ZNF710: variants seen among roughly 807,000 people sequenced by gnomAD.
The protein encoded by ZNF710 is zinc finger protein 710.
In ZNF710, 13 loss-of-function variants were observed where a neutral mutation model predicts 50.6. That is an observed-to-expected ratio of 0.26 (90% confidence interval 0.17 to 0.41). ZNF710 has a LOEUF of 0.41. Ranked by LOEUF, ZNF710 falls within the 10% of genes least tolerant of loss-of-function variation. ZNF710 has a pLI of 1.00. For synonymous variants in ZNF710, 383 were observed against 397.0 expected (o/e 0.96, Z 0.42); for missense variants, 721 against 936.6 (o/e 0.77, Z 3.01).
At chr15:90,022,367 C>CT (rs1008164073) in intron 1 of ZNF710, among the ~76,000 whole-genome samples, 16 of 152,214 alleles carry the variant, frequency 1.1e-4, no homozygotes, top group African/African-American at 3.9e-4. Flanking sequence ...CAGAGTGAGA[C>CT]TCTGTCTCAA....
At chr15:90,043,615 G>A (rs1351648845) in intron 1 of ZNF710, among the ~76,000 whole-genome samples, 1 of 152,202 alleles carries the variant, frequency 6.6e-6, no homozygotes, top group East Asian at 1.9e-4. Context: ...CCCCAGAAAG[G>A]AGAGAAGGAG....
At chr15:90,032,609 C>G (rs938782585) in intron 1 of ZNF710, among the ~76,000 whole-genome samples, 1 of 151,962 alleles carries the variant, frequency 6.6e-6, no homozygotes, top group South Asian at 2.1e-4. Context: ...AAAACCCCAT[C>G]TCCACTAAAA....
intron 1 of ZNF710, among the ~76,000 whole-genome samples, chr15:90,048,264 G>T: frequency 6.6e-6 from 1 of 152,242 alleles, no homozygotes; most frequent in East Asian, 1.9e-4. Flanking sequence ...GTGTGAGCAG[G>T]CCTGCTCATT....
intron 1 of ZNF710, among the ~76,000 whole-genome samples, chr15:90,027,276 T>A (rs1898807599): frequency 6.6e-6 from 1 of 152,028 alleles, no homozygotes; most frequent in Admixed American, 6.5e-5. Context: ...AATGGCGAGA[T>A]CTCAGCTCAC....
In ZNF710 at chr15:90,040,880, C is replaced by T. The variant is rs1490890389; in HGVS notation, c.-28-26230C>T. Among the ~76,000 whole-genome samples, 4 of 152,190 alleles carry T rather than the reference C, an allele frequency of 2.6e-5. No individual in the cohort carries two copies. The highest frequency in any genetic ancestry group is 5.9e-5 in the Non-Finnish European group (4 of 68,036). On this transcript the variant is annotated intron_variant, in intron 1 of 4. Transcript: ENST00000268154. The surrounding 1 kb of genome is among the most constrained non-coding windows in gnomAD (Gnocchi z 4.6). ...TTGTTGCAAGTGAGGACTTATCTCT[C>T]CACCACCCTATCATTCCTCCTCCTC...
intron 1 of ZNF710, among the ~76,000 whole-genome samples, chr15:90,051,519 A>G (rs570934612): frequency 2.4e-4 from 35 of 146,006 alleles, no homozygotes; most frequent in African/African-American, 8.6e-4. Context: ...TGTAATCCCA[A>G]TTATTTGGGA....
At chr15:90,027,972 T>C (rs1014364591) in intron 1 of ZNF710, among the ~76,000 whole-genome samples, 2 of 152,250 alleles carry the variant, frequency 1.3e-5, no homozygotes, top group Admixed American at 1.3e-4. Context: ...AGGTCAGTTC[T>C]GCGTAACAGA....
chr15:90,069,894 C>T (rs937505409), intron 2 of ZNF710, among the ~76,000 whole-genome samples: 2 of 152,144 alleles, frequency 1.3e-5, no homozygotes, highest in Admixed American at 1.3e-4. Context: ...CCCTCATATC[C>T]GGGTAGGTGG....
rs1899072979 is a variant in ZNF710, at chr15:90,034,936, G to C, written c.-28-32174G>C. On this transcript the variant is annotated intron_variant, in intron 1 of 4. Coordinates refer to ENST00000268154, the MANE Select transcript of ZNF710 (RefSeq NM_198526.4). This position sits in a 1 kb window ranked among gnomAD's most constrained non-coding sequence, Gnocchi z 4.0. ...TCTGTTCACTCAGAGAAAGAGGCTT[G>C]ATGGCCGGAGCCCCAGGGCTTCCCT... Among the ~76,000 whole-genome samples, 1 of 152,342 alleles carries C rather than the reference G, an allele frequency of 6.6e-6. No homozygotes were observed. The highest frequency in any genetic ancestry group is 1.5e-5 in the Non-Finnish European group (1 of 68,032).
intron 4 of ZNF710, chr15:90,076,720 G>A (rs1397230972): frequency 4.2e-5 from 6 of 144,008 alleles, no homozygotes; most frequent in African/African-American, 1.6e-4. Context: ...CAGCCTGGGT[G>A]ACAGAGTGAG....
At chr15:90,058,751 G>C (rs1899912976) in intron 1 of ZNF710, among the ~76,000 whole-genome samples, 1 of 147,192 alleles carries the variant, frequency 6.8e-6, no homozygotes. Flanking sequence ...ACACAGAGAG[G>C]TCTCTTTTAA....
chr15:90,002,432 C>T (rs1898037527), intron 1 of ZNF710: 1 of 152,332 alleles, frequency 6.6e-6, no homozygotes, highest in Non-Finnish European at 1.5e-5. Flanking sequence ...TTGAGCCTCC[C>T]GCGGCTCAGC....
At chr15:90,008,763 C>G (rs1242312040) in intron 1 of ZNF710, among the ~76,000 whole-genome samples, 4 of 150,498 alleles carry the variant, frequency 2.7e-5, no homozygotes, top group African/African-American at 9.8e-5. Flanking sequence ...CCTGAAAACC[C>G]TGTCTCAAAA....
intron 1 of ZNF710, among the ~76,000 whole-genome samples, chr15:90,033,219 G>C (rs1899000567): frequency 6.6e-6 from 1 of 152,202 alleles, no homozygotes; most frequent in Admixed American, 6.5e-5. Context: ...GCCAGGGTGA[G>C]CACTGTTGAC....
rs765034940 is a variant in ZNF710, at chr15:90,067,328, C to A, written c.191C>A (p.Pro64His). The change falls in exon 2 of 5, where the codon CCC becomes CAC. Residue 64 changes from proline (P) to histidine (H), a missense_variant. Around this residue, in one of 3 missense-constraint regions of ZNF710, gnomAD observed 326 missense variants for 347.1 expected, o/e 0.94. Transcript: ENST00000268154. The surrounding 1 kb of genome is among the most constrained non-coding windows in gnomAD (Gnocchi z 8.1). ...ATGGGAGAGCCCGAGCCACCAGGCC[C>A]CGACGTCTACCAGCTGGCCTGCAAC... ...AAMGEPEPPG[P>H]DVYQLACNGR... 1.2e-6 allele frequency: 2 copies of A among 1,604,062 alleles called. No individual in the cohort carries two copies. Among genetic ancestry groups the A allele is most frequent in the Non-Finnish European group, 1.7e-6 (2 of 1,175,354 alleles).
chr15:90,063,542 A>T (rs557474483), intron 1 of ZNF710, among the ~76,000 whole-genome samples: 1 of 152,258 alleles, frequency 6.6e-6, no homozygotes, highest in Non-Finnish European at 1.5e-5. Flanking sequence ...ACTCTGGGTT[A>T]GTCCCTTTCT....
chr15:90,063,494 C>T (rs1900075055), intron 1 of ZNF710, among the ~76,000 whole-genome samples: 1 of 152,098 alleles, frequency 6.6e-6, no homozygotes, highest in South Asian at 2.1e-4. Flanking sequence ...TGTGCCCCTG[C>T]CCTGCCCCCA....
rs11452913 is a variant in ZNF710, at chr15:90,047,590, CTTTTT to C, written c.-28-19511_-28-19507del. ...CAAGTTTCTTTTCTTTTTCTTTTTT[CTTTTT>C]TTTTTTTTGAGACAGAGTCTTGCTC... is the stretch of plus-strand genomic sequence containing the variant. On this transcript the variant is annotated intron_variant, in intron 1 of 4. Transcript: ENST00000268154. Among the ~76,000 whole-genome samples, 105 of 140,926 alleles carry C rather than the reference CTTTTT, an allele frequency of 7.5e-4. No individual in the cohort carries two copies. In the East Asian group the frequency reaches 0.019, roughly 26 times the overall value. 92.5% of individuals were successfully genotyped at this position (140,926 alleles called of 152,430 possible). A position where few individuals can be genotyped will look rare whatever the true frequency, so the allele number is the denominator to read the frequency against.
intron 1 of ZNF710, among the ~76,000 whole-genome samples, chr15:90,050,493 C>T (rs1401200981): frequency 6.6e-6 from 1 of 152,216 alleles, no homozygotes; most frequent in Non-Finnish European, 1.5e-5. Flanking sequence ...CAGCTTCTCC[C>T]TTCTCTAGGC....
Sources: gnomAD v4.1 joint callset for allele counts (sites outside exome capture counted in the v4.1 genomes callset) on GRCh38, gnomAD v4.1.1 for gene constraint, gnomAD v4.1.1 regional missense constraint, Gnocchi (gnomAD v3.1) non-coding constraint, MANE v1.5 for transcripts, NCBI Gene and HGNC (gene_info 2026-07-23, HGNC 2026-07-21) for gene names.